Variants in SLCO1B3 observed in about 807,000 individuals in gnomAD.
The protein encoded by SLCO1B3 is solute carrier organic anion transporter family member 1B3.
SLCO1B3 carries 72 observed loss-of-function variants against 71.8 expected under a neutral mutation model. The observed-to-expected ratio is 1.00, with a 90% CI of 0.83 to 1.22. The LOEUF (loss-of-function observed/expected upper bound fraction) is 1.22, where lower values mean the gene tolerates loss of function less well. SLCO1B3 is among the 50% of genes most tolerant of loss of function. The pLI is 0.00. For synonymous variants in SLCO1B3, 298 were observed against 278.4 expected, an observed-to-expected ratio of 1.07 and a Z score of -0.70; for missense variants, 911 against 819.7, an observed-to-expected ratio of 1.11 and a Z score of -1.36.
intron 3 of SLCO1B3, among the ~76,000 whole-genome samples, chr12:20,828,569 A>T (rs1321642362): frequency 6.6e-6 from 1 of 152,038 alleles, no homozygotes; most frequent in African/African-American, 2.4e-5. Context: ...TTCTCAGCCA[A>T]CTGAGAAGAA....
intron 13 of SLCO1B3, among the ~76,000 whole-genome samples, chr12:20,897,940 C>T (rs1866047804): frequency 6.6e-6 from 1 of 152,070 alleles, no homozygotes; most frequent in South Asian, 2.1e-4. Flanking sequence ...CACTAGAATA[C>T]AGAAAAGTTT....
intron 3 of SLCO1B3, among the ~76,000 whole-genome samples, chr12:20,822,208 G>A (rs1308519495): frequency 5.9e-5 from 9 of 152,296 alleles, no homozygotes; most frequent in African/African-American, 2.2e-4. Context: ...CATGTGAAGA[G>A]ACCACCAAAC....
intron 1 of SLCO1B3, among the ~76,000 whole-genome samples, chr12:20,812,662 AG>A (rs987727389): frequency 6.6e-6 from 1 of 152,330 alleles, no homozygotes; most frequent in Admixed American, 6.5e-5. Context: ...TTGTTGTAAG[AG>A]GGATCTTTGA....
At chr12:20,883,660 T>C in intron 13 of SLCO1B3, 58 bp downstream of exon 13, 1 of 1,095,214 alleles carries the variant, frequency 9.1e-7, no homozygotes. Context: ...CACCTAATGA[T>C]AGGCATATTT....
At chr12:20,860,044 C>A (rs1357935082) in intron 5 of SLCO1B3, among the ~76,000 whole-genome samples, 1 of 151,582 alleles carries the variant, frequency 6.6e-6, no homozygotes, top group Non-Finnish European at 1.5e-5. Flanking sequence ...CAAGCCCCGC[C>A]TCCCGGGTTC....
Position 20,916,270 on chromosome 12 carries a change from G to C in SLCO1B3, c.*23G>C. 6.2e-7 allele frequency: 1 copy of C among 1,602,900 alleles called. No individual in the cohort carries two copies. Among genetic ancestry groups the C allele is most frequent in the Non-Finnish European group, 8.5e-7 (1 of 1,173,710 alleles). Reference sequence around the variant, plus strand: ...TAACATTGCATTGATTCATTAAGATGTTATTTTTGAGGTGTTCCTGGTCTT... The same window carrying C: ...TAACATTGCATTGATTCATTAAGATCTTATTTTTGAGGTGTTCCTGGTCTT... On this transcript the variant is annotated 3_prime_UTR_variant, in exon 16 of 16. Transcript: ENST00000381545.
At chr12:20,892,555 C>T (rs1865925109) in intron 13 of SLCO1B3, among the ~76,000 whole-genome samples, 1 of 152,080 alleles carries the variant, frequency 6.6e-6, no homozygotes, top group African/African-American at 2.4e-5. Flanking sequence ...CAGAGTTTTT[C>T]TCTGTACAAG....
rs1034038411 is a variant in SLCO1B3 at position 20,832,486 on chromosome 12, A to T, written c.84+16664A>T. Among the ~76,000 whole-genome samples the T allele has an allele frequency of 9.7e-5, 14 of 144,424 alleles. No individual in the cohort carries two copies. In the East Asian group the frequency reaches 2.6e-3, roughly 27 times the overall value. 94.7% of individuals were successfully genotyped at this position (144,424 alleles called of 152,430 possible). A position where few individuals can be genotyped will look rare whatever the true frequency, so the allele number is the denominator to read the frequency against. On this transcript the variant is annotated intron_variant, in intron 3 of 15. Transcript: ENST00000381545. ...TAATGAAAATCTTTAACAACAAAAA[A>T]GTAATGATTATTAAAAAAAAAATAG...
At chr12:20,847,592 C>A (rs1182911567) in intron 3 of SLCO1B3, among the ~76,000 whole-genome samples, 16 of 152,086 alleles carry the variant, frequency 1.1e-4, no homozygotes, top group Non-Finnish European at 7.4e-5. Flanking sequence ...TTTATTATAG[C>A]AGCCTGAACT....
chr12:20,912,443 C>G (rs1216688415), intron 15 of SLCO1B3, among the ~76,000 whole-genome samples: 4 of 150,220 alleles, frequency 2.7e-5, no homozygotes, highest in African/African-American at 9.8e-5. Context: ...ATTCTCGTGT[C>G]TTGGCCTTCT....
rs546273129 is a variant in SLCO1B3, at chr12:20,847,064, T to G, written c.85-7964T>G. Among the ~76,000 whole-genome samples, 7 of 152,268 alleles carry G rather than the reference T, an allele frequency of 4.6e-5. No homozygotes were observed. The East Asian group carries it at 1.4e-3, about 29-fold the overall frequency. ...AAAAATAGAAATTTATCAAGCTTAC[T>G]GTGAAGCTAGCACTTCATGTTCCTG... On this transcript the variant is annotated intron_variant, in intron 3 of 15. Coordinates refer to ENST00000381545, the MANE Select transcript of SLCO1B3 (RefSeq NM_019844.4).
intron 3 of SLCO1B3, among the ~76,000 whole-genome samples, chr12:20,826,070 G>T (rs1440900666): frequency 6.6e-6 from 1 of 152,032 alleles, no homozygotes; most frequent in Non-Finnish European, 1.5e-5. Context: ...TAAATAACAT[G>T]CAATCAAAAC....
rs970580375 is a variant in SLCO1B3, at chr12:20,916,347, A to G, written c.*100A>G. On this transcript the variant is annotated 3_prime_UTR_variant, in exon 16 of 16. Coordinates refer to ENST00000381545, the MANE Select transcript of SLCO1B3 (RefSeq NM_019844.4). The stretch of plus-strand genomic sequence containing the variant: ...TTACAGTGGACCAATGGATAAGTCT[A>G]TGCATCTATAATAAACTATAAAAAA... 4.5e-6 allele frequency: 5 copies of G among 1,113,592 alleles called. No homozygotes were observed. The Admixed American group carries it at 8.8e-5, about 20-fold the overall frequency. 69.0% of individuals were successfully genotyped at this position (1,113,592 alleles called of 1,614,324 possible).
intron 4 of SLCO1B3, among the ~76,000 whole-genome samples, chr12:20,856,250 T>G (rs979392750): frequency 6.6e-6 from 1 of 152,222 alleles, no homozygotes; most frequent in African/African-American, 2.4e-5. Context: ...ATTATCAGTT[T>G]GGTTTCTTAC....
At chr12:20,894,172 T>C (rs1488713756) in intron 13 of SLCO1B3, among the ~76,000 whole-genome samples, 3 of 152,256 alleles carry the variant, frequency 2.0e-5, no homozygotes, top group African/African-American at 7.2e-5. Context: ...TTAAATGAAA[T>C]AGCACATTTA....
At chr12:20,884,692 C>G (rs1311496828) in intron 13 of SLCO1B3, among the ~76,000 whole-genome samples, 1 of 151,776 alleles carries the variant, frequency 6.6e-6, no homozygotes, top group African/African-American at 2.4e-5. Flanking sequence ...AGTAGAGTGA[C>G]CTGGGGTAAC....
chr12:20,825,586 T>C (rs1272030464), intron 3 of SLCO1B3, among the ~76,000 whole-genome samples: 1 of 151,994 alleles, frequency 6.6e-6, no homozygotes, highest in Non-Finnish European at 1.5e-5. Context: ...ACTTGAGGTC[T>C]GGACTTCAAG....
In SLCO1B3 at chr12:20,916,661, T is replaced by C. The variant is rs1866506662; in HGVS notation, c.*414T>C. On this transcript the variant is annotated 3_prime_UTR_variant, in exon 16 of 16. Transcript: ENST00000381545. Reference sequence around the variant, plus strand: ...TCTGGCCTGGATTTATGCTATAATATATATTTTCATGTTAAGTTGTATATT... The same window carrying C: ...TCTGGCCTGGATTTATGCTATAATACATATTTTCATGTTAAGTTGTATATT... 1 of 152,318 alleles carries C rather than the reference T, an allele frequency of 6.6e-6. No individual in the cohort carries two copies. Among genetic ancestry groups the C allele is most frequent in the Admixed American group, 6.5e-5 (1 of 15,276 alleles). 9.4% of individuals were successfully genotyped at this position (152,318 alleles called of 1,614,324 possible). A position where few individuals can be genotyped will look rare whatever the true frequency, so the allele number is the denominator to read the frequency against.
intron 12 of SLCO1B3, 106 bp downstream of exon 12, chr12:20,881,126 A>G (rs761059418): frequency 5.7e-5 from 46 of 807,264 alleles, no homozygotes; most frequent in Non-Finnish European, 8.4e-5. Context: ...CAATAAAAAG[A>G]TAAAACAAAA....
Sources: allele counts gnomAD v4.1 joint callset (sites outside exome capture counted in the v4.1 genomes callset), GRCh38; gene constraint gnomAD v4.1.1; transcripts MANE v1.5; gene names NCBI Gene and HGNC (gene_info 2026-07-23, HGNC 2026-07-21).